Variants in ABCA5 observed in about 807,000 individuals in gnomAD.
ABCA5 encodes the protein cholesterol transporter ABCA5.
ABCA5 carries 163 observed loss-of-function variants against 206.0 expected under a neutral mutation model. That is an observed-to-expected ratio of 0.79 (90% CI 0.70 to 0.90). The LOEUF (loss-of-function observed/expected upper bound fraction) is 0.90, where lower values mean the gene tolerates loss of function less well. Among genes scored for constraint, ABCA5 ranks in the 40% least tolerant of loss-of-function variants. The pLI, the probability that ABCA5 is intolerant of heterozygous loss-of-function variation, is 0.00. For synonymous variants in ABCA5, 609 were observed against 613.8 expected (o/e 0.99, Z 0.11); for missense variants, 1,859 against 1,912.9 (o/e 0.97, Z 0.53).
At chr17:69,284,312 T>G (rs1443458435) in intron 17 of ABCA5, among the ~76,000 whole-genome samples, 1 of 152,088 alleles carries the variant, frequency 6.6e-6, no homozygotes, top group Admixed American at 6.6e-5. Flanking sequence ...CAGTGAGCTG[T>G]GATTGTGGCA....
At chr17:69,285,732 T>G (rs529065578) in intron 17 of ABCA5, among the ~76,000 whole-genome samples, 166 bp downstream of exon 17, 1 of 152,280 alleles carries the variant, frequency 6.6e-6, no homozygotes, top group Non-Finnish European at 1.5e-5. Flanking sequence ...TTGCTGTGTT[T>G]TTTCTGGCTT....
intron 25 of ABCA5, 83 bp downstream of exon 25, chr17:69,261,552 G>T: frequency 1.5e-6 from 1 of 654,674 alleles, no homozygotes. Context: ...CAAAAGACAT[G>T]TAACATTTTT....
At chr17:69,304,147 CATTTAACAACT>C (rs1240277735) in intron 7 of ABCA5, 5 of 151,834 alleles carry the variant, frequency 3.3e-5, no homozygotes, top group African/African-American at 1.2e-4. Flanking sequence ...ATAGCCAAAA[CATTTAACAACT>C]GATACAGGGT....
At chr17:69,268,101 T>C (rs1420671873) in intron 22 of ABCA5, 45 bp from the exon 23 acceptor site, 1 of 905,054 alleles carries the variant, frequency 1.1e-6, no homozygotes, top group South Asian at 1.4e-5. Flanking sequence ...AGAATCATTT[T>C]ATATCTTAAG....
At chr17:69,258,830 CA>C (rs1278745763) in intron 28 of ABCA5, among the ~76,000 whole-genome samples, 3 of 151,800 alleles carry the variant, frequency 2.0e-5, no homozygotes, top group Non-Finnish European at 4.4e-5. Flanking sequence ...TTCGAAAAGA[CA>C]AAAGTTGAGG....
In ABCA5 at chr17:69,313,067, GAATATATATATAAGCTCAC is replaced by G; in HGVS notation, c.307+6_307+24del. Reference sequence around the variant, plus strand: ...TTGAAAAGGCTTAATATTATAAACAGAATATATATATAAGCTCACAATACCATCAGGTAGATGATCAGTA... The same window carrying G: ...TTGAAAAGGCTTAATATTATAAACAGAATACCATCAGGTAGATGATCAGTA... On this transcript the variant is annotated splice_donor_region_variant and intron_variant, in intron 3 of 38. Transcript: ENST00000392676. 1 of 1,514,682 alleles carries G rather than the reference GAATATATATATAAGCTCAC, an allele frequency of 6.6e-7. No individual in the cohort carries two copies. The highest frequency in any genetic ancestry group is 9.0e-7 in the Non-Finnish European group (1 of 1,114,278). The allele number at this position is 1,514,682 out of a possible 1,614,324, so 93.8% of individuals were successfully genotyped here.
At chr17:69,280,105 A>C (rs894544322) in intron 18 of ABCA5, among the ~76,000 whole-genome samples, 20 of 152,076 alleles carry the variant, frequency 1.3e-4, no homozygotes, top group African/African-American at 3.4e-4. Flanking sequence ...CAACCTACAA[A>C]ATGGGAGAAA....
At chr17:69,311,691 C>T (rs1015477087) in intron 3 of ABCA5, among the ~76,000 whole-genome samples, 2 of 152,040 alleles carry the variant, frequency 1.3e-5, no homozygotes, top group East Asian at 1.9e-4. Flanking sequence ...AGGGTTTCAC[C>T]ATGTTGGCCA....
intron 27 of ABCA5, 108 bp downstream of exon 27, chr17:69,260,230 G>GCAC: frequency 1.3e-6 from 1 of 778,570 alleles, no homozygotes; most frequent in Non-Finnish European, 2.0e-6. Context: ...AACTTTTTAT[G>GCAC]CACCTTCTTT....
chr17:69,302,928 G>A (rs952539831), intron 7 of ABCA5, 22 bp from the exon 8 acceptor site: 8 of 1,364,296 alleles, frequency 5.9e-6, no homozygotes, highest in African/African-American at 3.0e-5. Context: ...AAATATTAAG[G>A]TTAGTGCAAT....
intron 20 of ABCA5, among the ~76,000 whole-genome samples, chr17:69,273,447 CTATTTATT>C (rs144553920): frequency 1.4e-5 from 2 of 144,728 alleles, no homozygotes; most frequent in East Asian, 2.0e-4. Context: ...ATTTTTTTAA[CTATTTATT>C]TATTTATTTA....
chr17:69,257,975 G>C (rs2075102235), intron 28 of ABCA5, among the ~76,000 whole-genome samples: 1 of 151,998 alleles, frequency 6.6e-6, no homozygotes, highest in South Asian at 2.1e-4. Context: ...TATTTTCTGA[G>C]ATAAATGACA....
chr17:69,306,489 T>C (rs961702230), intron 6 of ABCA5, among the ~76,000 whole-genome samples: 1 of 152,000 alleles, frequency 6.6e-6, no homozygotes, highest in African/African-American at 2.4e-5. Context: ...TGAAATAAAA[T>C]TTAAACACGT....
chr17:69,303,856 G>GTA (rs374761352), intron 7 of ABCA5, among the ~76,000 whole-genome samples: 317 of 27,340 alleles, frequency 0.012, 19 homozygotes, highest in African/African-American at 0.042. Flanking sequence ...ATATATATAT[G>GTA]TATATATATA....
chr17:69,291,229 G>T lies in ABCA5; in HGVS notation c.1593C>A (p.Cys531Ter). 6.3e-7 allele frequency: 1 copy of T among 1,594,466 alleles called. No homozygotes were observed. Among genetic ancestry groups the T allele is most frequent in the Non-Finnish European group, 8.6e-7 (1 of 1,168,754 alleles). The change falls in exon 12 of 39, where the codon TGC becomes TGA. Residue 531 changes from cysteine (C) to a stop codon, truncating the protein, a stop_gained. Transcript: ENST00000392676. LOFTEE classifies it high-confidence loss of function. ...CAGAAAACTCACCATCAGAAGGTGG[G>T]CAGAGTCCACAAAGAATATTCATCA... is the stretch of plus-strand genomic sequence containing the variant. Reference protein sequence around the residue: ...STLMNILCGLCPPSDGFASIY... With the variant: ...STLMNILCGL
At position 69,287,616 on chromosome 17, in the gene ABCA5, C is replaced by T; in HGVS notation, c.2038G>A (p.Ala680Thr). ...GAAAATAAAACAAAAATCTCACCTG[C>T]AAGAATGTCAGCTTCATCCATGAAA... ...THFMDEADIL[A>T]DRKAVISQGM... is the part of the protein sequence containing the mutation. The change falls in exon 15 of 39, where the codon GCA becomes ACA. Residue 680 changes from alanine to threonine, a missense_variant. Physicochemically the swap from Ala to Thr is moderately conservative, Grantham distance 58. Coordinates refer to ENST00000392676, the MANE Select transcript of ABCA5 (RefSeq NM_172232.4). 6.2e-7 allele frequency: 1 copy of T among 1,608,500 alleles called. No individual in the cohort carries two copies. The highest frequency in any genetic ancestry group is 8.5e-7 in the Non-Finnish European group (1 of 1,177,882).
At position 69,245,380 on chromosome 17, in the gene ABCA5, C is replaced by G. The variant is rs2074938619; in HGVS notation, c.*2157G>C. 6.6e-6 allele frequency: 1 copy of G among 151,764 alleles called. No individual in the cohort carries two copies. Among genetic ancestry groups the G allele is most frequent in the Non-Finnish European group, 1.5e-5 (1 of 67,806 alleles). 9.4% of individuals were successfully genotyped at this position (151,764 alleles called of 1,614,324 possible). ...ATATTTATTTATTTATCTGTACTGA[C>G]ATAGAAAAAAGTTTTGAGATCAGTA... On this transcript the variant is annotated 3_prime_UTR_variant, in exon 39 of 39. Transcript: ENST00000392676.
In ABCA5 at chr17:69,301,165, G is replaced by A; in HGVS notation, c.1241C>T (p.Ala414Val). 2 of 1,577,504 alleles carry A rather than the reference G, an allele frequency of 1.3e-6. No individual in the cohort carries two copies. Among genetic ancestry groups the A allele is most frequent in the Non-Finnish European group, 1.7e-6 (2 of 1,168,554 alleles). ...TGGAATGACTTGATCAAGATAGACAGCCAAGAGGACATAGAATATACTATT... is the reference window on the plus strand; with the variant it reads ...TGGAATGACTTGATCAAGATAGACAACCAAGAGGACATAGAATATACTATT... ...TLNSIFYVLL[A>V]VYLDQVIPGE... The change falls in exon 9 of 39, where the codon GCT (alanine) becomes GTT (valine). Residue 414 changes from alanine (A) to valine (V), a missense_variant. Transcript: ENST00000392676.
chr17:69,268,308 C>T (rs993302458), intron 22 of ABCA5, among the ~76,000 whole-genome samples: 2 of 152,018 alleles, frequency 1.3e-5, no homozygotes, highest in African/African-American at 2.4e-5. Context: ...CTTTCATTTT[C>T]CTGTCTACAA....
Sources: gnomAD v4.1 joint callset for allele counts (sites outside exome capture counted in the v4.1 genomes callset) on GRCh38, gnomAD v4.1.1 for gene constraint, MANE v1.5 for transcripts, NCBI Gene and HGNC (gene_info 2026-07-23, HGNC 2026-07-21) for gene names.